BCAR3: variants seen among roughly 807,000 people sequenced by gnomAD.
BCAR3 encodes breast cancer anti-estrogen resistance protein 3.
Under a neutral mutation model 80.1 loss-of-function variants are expected in BCAR3, and 37 were observed. The ratio of observed to expected loss-of-function variants is 0.46; its 90% confidence interval spans 0.36 to 0.61. The LOEUF (loss-of-function observed/expected upper bound fraction) is 0.61, where lower values mean the gene tolerates loss of function less well. Ranked by LOEUF, BCAR3 falls within the 20% of genes least tolerant of loss-of-function variation. BCAR3 has a pLI of 0.00. For missense variants in BCAR3, 978 were observed against 1,068.2 expected (o/e 0.92, Z 1.18); for synonymous variants, 389 against 418.9 (o/e 0.93, Z 0.87).
At chr1:93,826,078 G>A (rs962177698) in intron 2 of BCAR3, among the ~76,000 whole-genome samples, 1 of 152,208 alleles carries the variant, frequency 6.6e-6, no homozygotes, top group Non-Finnish European at 1.5e-5. Context: ...GCAAGGGAAA[G>A]AGGGGAGAGG....
chr1:93,642,409 T>C lies in BCAR3; in HGVS notation c.318-66A>G, dbSNP rs1169177085. 6 of 1,449,514 alleles carry C rather than the reference T, an allele frequency of 4.1e-6. No homozygotes were observed. In the South Asian group the frequency reaches 4.6e-5, roughly 11 times the overall value. The allele number at this position is 1,449,514 out of a possible 1,614,324, so 89.8% of individuals were successfully genotyped here. A position where few individuals can be genotyped will look rare whatever the true frequency, so the allele number is the denominator to read the frequency against. ...ATGCATTCTTACATTGAGTATAATG[T>C]GTCCAACATTATTTCACCCTATTCA... On this transcript the variant is annotated intron_variant, in intron 2 of 11. Transcript: ENST00000260502.
At position 93,744,843 on chromosome 1, in the gene BCAR3, C is replaced by G. The variant is rs72965457; in HGVS notation, c.-62-38701G>C. 3.3e-3 allele frequency among the ~76,000 whole-genome samples: 502 copies of G among 152,316 alleles called. 4 individuals carry two copies. Among genetic ancestry groups the G allele is most frequent in the Middle Eastern group, 0.017 (5 of 294 alleles). Reference sequence around the variant, plus strand: ...GAAATCCCCTTAGGAAGAAAGCTGCCATGGTGTCTGAGAGAAGAAAGAAAC... The same window carrying G: ...GAAATCCCCTTAGGAAGAAAGCTGCGATGGTGTCTGAGAGAAGAAAGAAAC... On this transcript the variant is annotated intron_variant, in intron 2 of 13. Coordinates refer to the BCAR3 transcript ENST00000370244.
intron 3 of BCAR3, among the ~76,000 whole-genome samples, chr1:93,597,357 C>G (rs532820937): frequency 6.6e-6 from 1 of 152,354 alleles, no homozygotes; most frequent in Non-Finnish European, 1.5e-5. Context: ...TAATAAGTTA[C>G]TATAATTGAT....
At chr1:93,777,829 T>C (rs1652629717) in intron 2 of BCAR3, among the ~76,000 whole-genome samples, 1 of 152,254 alleles carries the variant, frequency 6.6e-6, no homozygotes, top group Admixed American at 6.5e-5. Context: ...CAAATGTAGA[T>C]TCCTTTGCTT....
chr1:93,569,543 A>G (rs1216896207), intron 9 of BCAR3, among the ~76,000 whole-genome samples: 2 of 152,238 alleles, frequency 1.3e-5, no homozygotes, highest in Non-Finnish European at 2.9e-5. Flanking sequence ...TCTCCTGGAC[A>G]TATTCTCTTG....
At chr1:93,812,025 A>T (rs778506220) in intron 2 of BCAR3, among the ~76,000 whole-genome samples, 26 of 152,120 alleles carry the variant, frequency 1.7e-4, no homozygotes, top group Non-Finnish European at 8.8e-5. Flanking sequence ...TGCTTAGGAG[A>T]CTTTTGAAGA....
chr1:93,721,981 T>G (rs571739284), intron 2 of BCAR3, among the ~76,000 whole-genome samples: 49 of 152,290 alleles, frequency 3.2e-4, no homozygotes, highest in African/African-American at 9.9e-4. Flanking sequence ...ACAACTATTA[T>G]TATTATTATT....
At chr1:93,761,392 C>T (rs1651941655) in intron 2 of BCAR3, among the ~76,000 whole-genome samples, 1 of 152,148 alleles carries the variant, frequency 6.6e-6, no homozygotes, top group Non-Finnish European at 1.5e-5. Context: ...CTGAAATTCA[C>T]CCACCCCTTC....
intron 3 of BCAR3, among the ~76,000 whole-genome samples, chr1:93,626,656 CCCATTGGCT>C (rs1466789953): frequency 5.3e-5 from 8 of 152,186 alleles, no homozygotes; most frequent in Admixed American, 5.2e-4. Flanking sequence ...ACTCTTGACT[CCCATTGGCT>C]CAAAGAATTG....
chr1:93,745,599 A>T (rs1175531341), intron 2 of BCAR3, among the ~76,000 whole-genome samples: 2 of 152,112 alleles, frequency 1.3e-5, no homozygotes, highest in African/African-American at 4.8e-5. Flanking sequence ...GTCTCTTGCT[A>T]CTTGATGTGC....
Position 93,598,213 on chromosome 1 carries a change from G to A in BCAR3, c.358-5820C>T, listed in dbSNP as rs567676069. ...GCATTTCAAATCAGGCACAACAATG[G>A]ACCCTGGAGGCACAGGAGATTCGAG... On this transcript the variant is annotated intron_variant, in intron 3 of 11. Transcript: ENST00000260502. Among the ~76,000 whole-genome samples, 178 of 152,264 alleles carry A rather than the reference G, an allele frequency of 1.2e-3. 1 individual carries two copies. Among genetic ancestry groups the A allele is most frequent in the Non-Finnish European group, 2.0e-3 (138 of 68,030 alleles).
chr1:93,739,682 C>T (rs201792892), intron 2 of BCAR3, among the ~76,000 whole-genome samples: 4 of 152,262 alleles, frequency 2.6e-5, no homozygotes, highest in East Asian at 3.9e-4. Flanking sequence ...CTACCAATTA[C>T]GTACTCAGCC....
chr1:93,653,014 AG>A (rs905482574), intron 2 of BCAR3, among the ~76,000 whole-genome samples: 2 of 152,232 alleles, frequency 1.3e-5, no homozygotes, highest in African/African-American at 4.8e-5. Flanking sequence ...CCCTCTTAAA[AG>A]GACACTTGAT....
intron 3 of BCAR3, among the ~76,000 whole-genome samples, chr1:93,601,911 A>G (rs991048839): frequency 6.6e-6 from 1 of 152,188 alleles, no homozygotes; most frequent in Non-Finnish European, 1.5e-5. Flanking sequence ...GTTCTCAAAC[A>G]AAAGCCTCCT....
At chr1:93,670,731 A>G (rs1293491067) in intron 2 of BCAR3, among the ~76,000 whole-genome samples, 1 of 152,192 alleles carries the variant, frequency 6.6e-6, no homozygotes, top group East Asian at 1.9e-4. Flanking sequence ...CAATGTTCAA[A>G]CAAGGTAGTT....
chr1:93,813,224 T>A (rs917698980), intron 2 of BCAR3, among the ~76,000 whole-genome samples: 2 of 152,140 alleles, frequency 1.3e-5, no homozygotes, highest in African/African-American at 4.8e-5. Context: ...CCTCAAAATG[T>A]TTAAGCAAAG....
intron 1 of BCAR3, chr1:93,681,026 A>G (rs1648733557): frequency 1.3e-5 from 2 of 152,170 alleles, no homozygotes; most frequent in South Asian, 4.1e-4. Context: ...TTTCTCAACA[A>G]AGGGAGAGAG....
intron 2 of BCAR3, among the ~76,000 whole-genome samples, chr1:93,821,607 G>T (rs1654224241): frequency 6.6e-6 from 1 of 152,148 alleles, no homozygotes; most frequent in South Asian, 2.1e-4. Flanking sequence ...TTGGCATGAG[G>T]TCACTCTATT....
At chr1:93,574,786 GAA>G (rs1311770934) in intron 8 of BCAR3, among the ~76,000 whole-genome samples, 1 of 152,218 alleles carries the variant, frequency 6.6e-6, no homozygotes, top group Non-Finnish European at 1.5e-5. Flanking sequence ...CTGGAACCTA[GAA>G]AAGTCTCATC....
Sources: gnomAD v4.1 joint callset for allele counts (sites outside exome capture counted in the v4.1 genomes callset) on GRCh38, gnomAD v4.1.1 for gene constraint, MANE v1.5 for transcripts, NCBI Gene and HGNC (gene_info 2026-07-23, HGNC 2026-07-21) for gene names.